Variants in TUT7 observed in about 807,000 individuals in gnomAD.
The protein encoded by TUT7 is terminal uridylyl transferase 7.
TUT7 carries 33 observed loss-of-function variants against 165.9 expected under a neutral mutation model. That is an observed-to-expected ratio of 0.20 (90% confidence interval 0.15 to 0.27). The LOEUF is 0.27. TUT7 is among the 10% of genes least tolerant of loss of function. The pLI, the probability that TUT7 is intolerant of heterozygous loss-of-function variation, is 1.00. For synonymous variants in TUT7, 552 were observed against 608.1 expected, an observed-to-expected ratio of 0.91 and a Z score of 1.36; for missense variants, 1,338 against 1,762.3, an observed-to-expected ratio of 0.76 and a Z score of 4.31.
chr9:86,322,598 C>A, intron 13 of TUT7, 123 bp from the exon 14 acceptor site: 2 of 1,213,770 alleles, frequency 1.6e-6, no homozygotes, highest in Non-Finnish European at 2.3e-6. Context: ...GAAAATATAA[C>A]ATGCATCCAC....
chr9:86,351,161 T>C (rs1437508636), intron 2 of TUT7, among the ~76,000 whole-genome samples: 1 of 138,938 alleles, frequency 7.2e-6, no homozygotes, highest in Non-Finnish European at 1.5e-5. Context: ...TCAGGCTGAA[T>C]GTGGTGGCTC....
In TUT7 at chr9:86,298,861, T is replaced by G. The variant is rs149240253; in HGVS notation, c.4420+2415A>C. ...AAATGAAATAGACTGGTTTACAAAA[T>G]CGAAAGGAAGAGCATCTGAAACAGC... On this transcript the variant is annotated intron_variant, in intron 26 of 26. Coordinates refer to ENST00000375963, the MANE Select transcript of TUT7 (RefSeq NM_024617.4). 85 of 966,366 alleles carry G rather than the reference T, an allele frequency of 8.8e-5. No homozygotes were observed. The East Asian group carries it at 7.1e-3, about 81-fold the overall frequency. The allele number at this position is 966,366 out of a possible 1,614,324, so 59.9% of individuals were successfully genotyped here.
chr9:86,301,125 G>T, intron 26 of TUT7, 151 bp downstream of exon 26: 1 of 706,532 alleles, frequency 1.4e-6, no homozygotes, highest in Non-Finnish European at 2.3e-6. Context: ...TTAAAGGAGG[G>T]GGAAGGGATT....
rs753192584 is a variant in TUT7 at position 86,338,833 on chromosome 9, T to A, written c.1325A>T (p.Tyr442Phe). 12 of 1,606,678 alleles carry A rather than the reference T, an allele frequency of 7.5e-6. No homozygotes were observed. Among genetic ancestry groups the A allele is most frequent in the Non-Finnish European group, 9.4e-6 (11 of 1,176,446 alleles). The change falls in exon 9 of 27, where the codon TAC (tyrosine) becomes TTC (phenylalanine). Residue 442 changes from tyrosine (Y) to phenylalanine (F), a missense_variant. Coordinates refer to ENST00000375963, the MANE Select transcript of TUT7 (RefSeq NM_024617.4). ...KLVPLVIAFR[Y>F]WAKLCSIDRP... ...AGACCTCAAGCCTACCTTTGCCCAGTACCTAAATGCAATCACCAAAGGAAC... is the reference window on the plus strand; with the variant it reads ...AGACCTCAAGCCTACCTTTGCCCAGAACCTAAATGCAATCACCAAAGGAAC...
intron 3 of TUT7, 44 bp downstream of exon 3, chr9:86,346,254 TA>T (rs1336535360): frequency 1.9e-6 from 3 of 1,576,674 alleles, no homozygotes; most frequent in Non-Finnish European, 2.6e-6. Context: ...AAATTGAGGC[TA>T]AAACCAGGAT....
chr9:86,343,057 A>ATTTC lies in TUT7; in HGVS notation c.1086+14_1086+17dup. The ATTTC allele has an allele frequency of 6.5e-7, 1 of 1,529,704 alleles. No homozygotes were observed. The highest frequency in any genetic ancestry group is 9.0e-7 in the Non-Finnish European group (1 of 1,111,528). The allele number at this position is 1,529,704 out of a possible 1,614,324, so 94.8% of individuals were successfully genotyped here. On this transcript the variant is annotated intron_variant, in intron 6 of 26. Transcript: ENST00000375963. ...TCCATACCACTCTGAAAGTGCCAGC[A>ATTTC]TTTCATTTTGTACTTACAATGGCTG...
chr9:86,310,412 T>A (rs1383136485), intron 18 of TUT7, among the ~76,000 whole-genome samples: 1 of 151,764 alleles, frequency 6.6e-6, no homozygotes, highest in East Asian at 1.9e-4. Context: ...TCTGAACATC[T>A]AGAAAATAAG....
chr9:86,323,806 T>G lies in TUT7; in HGVS notation c.1944A>C (p.Thr648=), dbSNP rs367981279. The G allele has an allele frequency of 9.9e-5, 160 of 1,614,086 alleles. No individual in the cohort carries two copies. Among genetic ancestry groups the G allele is most frequent in the South Asian group, 5.5e-4 (50 of 91,058 alleles). ...SSLLKPLNAI[T]CISEHSKEVI... is the part of the protein sequence containing the mutation. ...CTTCTTTAGAATGTTCTGAAATACATGTAATTGCATTCAGAGGCTTTAGAA... is the reference window on the plus strand; with the variant it reads ...CTTCTTTAGAATGTTCTGAAATACAGGTAATTGCATTCAGAGGCTTTAGAA... The change falls in exon 13 of 27, where the codon ACA becomes ACC. Residue 648 remains threonine (T), a synonymous_variant. Transcript: ENST00000375963.
intron 2 of TUT7, among the ~76,000 whole-genome samples, chr9:86,348,697 A>C (rs1181987562): frequency 6.6e-6 from 1 of 152,130 alleles, no homozygotes; most frequent in Non-Finnish European, 1.5e-5. Context: ...GGCTGTGGTG[A>C]GTCATGATTG....
intron 5 of TUT7, 110 bp downstream of exon 5, chr9:86,344,867 A>C (rs1323540889): frequency 9.3e-7 from 1 of 1,076,162 alleles, no homozygotes; most frequent in East Asian, 2.7e-5. Context: ...AAAACACAAG[A>C]GCTTCATGAC....
rs554597951 is a variant in TUT7, at chr9:86,354,341, C to G, written c.-102G>C. On this transcript the variant is annotated 5_prime_UTR_variant, in exon 1 of 27. Transcript: ENST00000375963. ...CTGGAGAATCAGCCCGGAGGCGAGT[C>G]TGGCAGGGACGTTGGGAGAAGGCGC... 6.5e-6 allele frequency: 1 copy of G among 152,918 alleles called. No individual in the cohort carries two copies. Among genetic ancestry groups the G allele is most frequent in the South Asian group, 2.1e-4 (1 of 4,832 alleles). The allele number at this position is 152,918 out of a possible 1,614,324, so 9.5% of individuals were successfully genotyped here.
intron 26 of TUT7, among the ~76,000 whole-genome samples, chr9:86,291,473 G>A (rs1011195613): frequency 1.3e-5 from 2 of 151,604 alleles, no homozygotes; most frequent in African/African-American, 2.4e-5. Context: ...CGAGAGACAG[G>A]AGGCAGGAGA....
chr9:86,331,991 A>G (rs1830361999), intron 10 of TUT7, among the ~76,000 whole-genome samples: 1 of 152,260 alleles, frequency 6.6e-6, no homozygotes, highest in Admixed American at 6.5e-5. Flanking sequence ...GCCAATGAGC[A>G]TATGAAAAAA....
intron 12 of TUT7, 92 bp downstream of exon 12, chr9:86,325,242 A>C: frequency 8.1e-7 from 1 of 1,228,454 alleles, no homozygotes; most frequent in Non-Finnish European, 1.2e-6. Flanking sequence ...TACTTGTAGG[A>C]GCTGAAAAGA....
rs369824696 is a variant in TUT7 at position 86,323,924 on chromosome 9, A to T, written c.1826T>A (p.Leu609Gln). 7 of 1,604,990 alleles carry T rather than the reference A, an allele frequency of 4.4e-6. No homozygotes were observed. The highest frequency in any genetic ancestry group is 6.0e-6 in the Non-Finnish European group (7 of 1,174,862). The change falls in exon 13 of 27, where the codon CTA (leucine) becomes CAA (glutamine). Residue 609 changes from leucine to glutamine, a missense_variant. Leu to Gln is a moderately radical substitution (Grantham distance 113, BLOSUM62 -2). Transcript: ENST00000375963. ...YSVKRNVART[L>Q]NSQPVFEYIL... ...ATATTCAAACACAGGTTGACTATTTAGGGTTCTTGCCACATTTCTTTTAAC... is the reference window on the plus strand; with the variant it reads ...ATATTCAAACACAGGTTGACTATTTTGGGTTCTTGCCACATTTCTTTTAAC...
In TUT7 at chr9:86,352,993, T is replaced by C; in HGVS notation, c.207A>G (p.Pro69=). ...CATATGGATTGCTGGAAACAGCACA[T>C]GGTCCTTTTCTGGGGGTATTCCCAT... ...GNYGNTPRKG[P]CAVSSNPYAF... Residue 69 remains proline, a synonymous_variant, in exon 2 of 27, where the codon CCA becomes CCG. Coordinates refer to ENST00000375963, the MANE Select transcript of TUT7 (RefSeq NM_024617.4). The C allele has an allele frequency of 6.2e-7, 1 of 1,614,206 alleles. No homozygotes were observed. The highest frequency in any genetic ancestry group is 8.5e-7 in the Non-Finnish European group (1 of 1,180,024).
In TUT7 at chr9:86,347,023, T is replaced by C. The variant is rs79525744; in HGVS notation, c.521-543A>G. Among the ~76,000 whole-genome samples the C allele has an allele frequency of 1.9e-3, 291 of 152,276 alleles. 5 individuals are homozygous for C. The East Asian group carries it at 0.05, about 26-fold the overall frequency. On this transcript the variant is annotated intron_variant, in intron 2 of 26. Transcript: ENST00000375963. Reference sequence around the variant, plus strand: ...TATACTCATCTGGAGTGAAAAATCATCATTTAGTTGCAAATTTAGCCATCA... The same window carrying C: ...TATACTCATCTGGAGTGAAAAATCACCATTTAGTTGCAAATTTAGCCATCA...
chr9:86,324,253 T>C lies in TUT7; in HGVS notation c.1790-293A>G, dbSNP rs929945302. ...GACTGTGGAGGTAGAAAAGATGTTA[T>C]CAGCGTGGCTCTCAGGCCCTTGGGA... is the stretch of plus-strand genomic sequence containing the variant. On this transcript the variant is annotated intron_variant, in intron 12 of 26. Transcript: ENST00000375963. 17 of 186,650 alleles carry C rather than the reference T, an allele frequency of 9.1e-5. No homozygotes were observed. In the East Asian group the frequency reaches 1.3e-3, roughly 14 times the overall value. The allele number at this position is 186,650 out of a possible 1,614,324, so 11.6% of individuals were successfully genotyped here.
chr9:86,339,046 C>T (rs1831090560), intron 8 of TUT7, 97 bp from the exon 9 acceptor site: 1 of 1,074,144 alleles, frequency 9.3e-7, no homozygotes, highest in Admixed American at 3.8e-5. Context: ...AATATACATG[C>T]ATAATAAATA....
Sources: allele counts gnomAD v4.1 joint callset (sites outside exome capture counted in the v4.1 genomes callset), GRCh38; gene constraint gnomAD v4.1.1; transcripts MANE v1.5; gene names NCBI Gene and HGNC (gene_info 2026-07-23, HGNC 2026-07-21).